The following ARHGAP20 variants were observed in gnomAD, a reference collection of about 807,000 sequenced individuals.
The protein encoded by ARHGAP20 is rho GTPase-activating protein 20.
ARHGAP20 carries 34 observed loss-of-function variants against 73.7 expected under a neutral mutation model. The ratio of observed to expected loss-of-function variants is 0.46; its 90% CI spans 0.35 to 0.61. ARHGAP20 has a LOEUF of 0.61. Among genes scored for constraint, ARHGAP20 ranks in the 20% least tolerant of loss-of-function variants. The pLI is 0.00. For missense variants in ARHGAP20, 1,314 were observed against 1,420.9 expected (o/e 0.92, Z 1.21); for synonymous variants, 523 against 518.2 (o/e 1.01, Z -0.13).
chr11:110,598,812 G>A (rs1466016182), intron 9 of ARHGAP20, among the ~76,000 whole-genome samples: 1 of 151,888 alleles, frequency 6.6e-6, no homozygotes, highest in Admixed American at 6.6e-5. Context: ...AGGTCCCTTG[G>A]GTGCCACTGC....
At chr11:110,676,951 T>C (rs1038127429) in intron 2 of ARHGAP20, among the ~76,000 whole-genome samples, 1 of 152,152 alleles carries the variant, frequency 6.6e-6, no homozygotes, top group Non-Finnish European at 1.5e-5. Context: ...CATGGGAACC[T>C]GACAAAGGAT....
intron 2 of ARHGAP20, among the ~76,000 whole-genome samples, chr11:110,658,152 A>G (rs1949514118): frequency 1.3e-5 from 2 of 152,218 alleles, no homozygotes; most frequent in African/African-American, 2.4e-5. Flanking sequence ...AGAAGTATTC[A>G]TGCCTACTCC....
At chr11:110,704,374 G>A (rs1314964404) in intron 1 of ARHGAP20, among the ~76,000 whole-genome samples, 1 of 152,142 alleles carries the variant, frequency 6.6e-6, no homozygotes, top group African/African-American at 2.4e-5. Flanking sequence ...CCACACACAA[G>A]TGACCAGACA....
chr11:110,611,228 TATG>T lies in ARHGAP20; in HGVS notation c.708+78_708+80del, dbSNP rs566798187. ...TGGTATCTCTAATAATCAGCTGTCT[TATG>T]ATGGAAGGAAAATACTTACATAAAT... On this transcript the variant is annotated intron_variant, in intron 7 of 14. Coordinates refer to ENST00000683387, the MANE Select transcript of ARHGAP20 (RefSeq NM_001384657.1). 6.3e-4 allele frequency: 576 copies of T among 913,808 alleles called. 4 individuals carry two copies. In the African/African-American group the frequency reaches 8.4e-3, roughly 13 times the overall value. 56.6% of individuals were successfully genotyped at this position (913,808 alleles called of 1,614,324 possible). A position where few individuals can be genotyped will look rare whatever the true frequency, so the allele number is the denominator to read the frequency against.
chr11:110,643,096 T>C (rs892771331), intron 2 of ARHGAP20, among the ~76,000 whole-genome samples: 1 of 152,054 alleles, frequency 6.6e-6, no homozygotes, highest in African/African-American at 2.4e-5. Flanking sequence ...TCAGGATCTT[T>C]TGGATTTCTG....
At chr11:110,665,190 T>C (rs1056453850) in intron 2 of ARHGAP20, among the ~76,000 whole-genome samples, 1 of 152,228 alleles carries the variant, frequency 6.6e-6, no homozygotes, top group Non-Finnish European at 1.5e-5. Context: ...TATCCAATTT[T>C]ATGAAATGCA....
chr11:110,596,511 A>G (rs946356016), intron 9 of ARHGAP20, among the ~76,000 whole-genome samples: 32 of 152,312 alleles, frequency 2.1e-4, no homozygotes, highest in African/African-American at 7.5e-4. Flanking sequence ...AAAAGAAGAC[A>G]TTTATGCAGC....
intron 1 of ARHGAP20, among the ~76,000 whole-genome samples, chr11:110,696,712 T>C (rs1179608975): frequency 6.6e-6 from 1 of 151,638 alleles, no homozygotes; most frequent in African/African-American, 2.4e-5. Context: ...TTTTCAACTC[T>C]TGCCACCTTA....
chr11:110,680,341 T>C (rs911553165), intron 2 of ARHGAP20, among the ~76,000 whole-genome samples: 8 of 152,240 alleles, frequency 5.3e-5, no homozygotes, highest in African/African-American at 9.6e-5. Context: ...TTCTCAATAA[T>C]AGTAATAATT....
Position 110,640,833 on chromosome 11 carries a change from C to T in ARHGAP20, c.189-10041G>A, listed in dbSNP as rs560976094. 1.1e-4 allele frequency among the ~76,000 whole-genome samples: 16 copies of T among 152,108 alleles called. No homozygotes were observed. In the East Asian group the frequency reaches 2.7e-3, roughly 26 times the overall value. On this transcript the variant is annotated intron_variant, in intron 2 of 14. Coordinates refer to ENST00000683387, the MANE Select transcript of ARHGAP20 (RefSeq NM_001384657.1). ...CGAGTTAATGGGTGCAGCGCACCAA[C>T]ATGGCACATGTATACATATGTAACA...
At position 110,688,013 on chromosome 11, in the gene ARHGAP20, T is replaced by C. The variant is rs147260457; in HGVS notation, c.188+2534A>G. On this transcript the variant is annotated intron_variant, in intron 2 of 14. Transcript: ENST00000683387. Reference sequence around the variant, plus strand: ...CATTTCTGAAAAATTTAGTATTCATTGAAATGTATAAAAATACTTTGTGCT... The same window carrying C: ...CATTTCTGAAAAATTTAGTATTCATCGAAATGTATAAAAATACTTTGTGCT... Among the ~76,000 whole-genome samples, 573 of 152,314 alleles carry C rather than the reference T, an allele frequency of 3.8e-3. 1 individual carries two copies. The highest frequency in any genetic ancestry group is 0.014 in the South Asian group (69 of 4,820).
Position 110,704,734 on chromosome 11 carries a change from T to C in ARHGAP20, c.105+7393A>G, listed in dbSNP as rs536705080. On this transcript the variant is annotated intron_variant, in intron 1 of 14. Transcript: ENST00000683387. ...TTCAGAAAACTGTTGTAGTTGCCAC[T>C]ACCAAATTGAGCATTCTCTCTGCAG... Among the ~76,000 whole-genome samples, 5 of 152,250 alleles carry C rather than the reference T, an allele frequency of 3.3e-5. No homozygotes were observed. The South Asian group carries it at 1.0e-3, about 32-fold the overall frequency.
In ARHGAP20 at chr11:110,579,029, G is replaced by T. The variant is rs1019619983; in HGVS notation, c.*341C>A. ...CCTATTCCTCATTCCTGATATCTTG[G>T]TCTTCTCAGGACATCAATCTCACAG... On this transcript the variant is annotated 3_prime_UTR_variant, in exon 15 of 15. Transcript: ENST00000683387. 2 of 1,001,392 alleles carry T rather than the reference G, an allele frequency of 2.0e-6. No individual in the cohort carries two copies. The highest frequency in any genetic ancestry group is 5.3e-5 in the Admixed American group (1 of 18,798). The allele number at this position is 1,001,392 out of a possible 1,614,324, so 62.0% of individuals were successfully genotyped here.
chr11:110,612,544 TA>T (rs1002645260), intron 6 of ARHGAP20, among the ~76,000 whole-genome samples: 5 of 151,984 alleles, frequency 3.3e-5, no homozygotes, highest in African/African-American at 9.6e-5. Context: ...TGCTACATTG[TA>T]AAAAAAACTT....
intron 2 of ARHGAP20, among the ~76,000 whole-genome samples, chr11:110,644,248 C>T (rs1949137359): frequency 6.6e-6 from 1 of 152,068 alleles, no homozygotes; most frequent in Non-Finnish European, 1.5e-5. Flanking sequence ...TCTGCAGATT[C>T]AATGCAATTC....
intron 9 of ARHGAP20, among the ~76,000 whole-genome samples, chr11:110,592,745 A>C (rs138757502): frequency 6.6e-6 from 1 of 152,346 alleles, no homozygotes; most frequent in Non-Finnish European, 1.5e-5. Flanking sequence ...TTAGAAATAA[A>C]GAATCCTTTA....
At position 110,582,418 on chromosome 11, in the gene ARHGAP20, T is replaced by C. The variant is rs1947498122; in HGVS notation, c.1623A>G (p.Gln541=). 1.9e-6 allele frequency: 3 copies of C among 1,611,754 alleles called. No homozygotes were observed. Among genetic ancestry groups the C allele is most frequent in the African/African-American group, 1.3e-5 (1 of 74,892 alleles). ...EFTKKVSLLI[Q]FLIENCLRIF... is the part of the protein sequence containing the mutation. ...TCCTAAGGCAATTCTCAATCAGAAA[T>C]TGTATAAGCAGGGAAACCTGTAAGA... Residue 541 remains glutamine, a synonymous_variant, in exon 14 of 15, where the codon CAA becomes CAG. Coordinates refer to ENST00000683387, the MANE Select transcript of ARHGAP20 (RefSeq NM_001384657.1).
Position 110,590,765 on chromosome 11 carries a change from A to T in ARHGAP20, c.1188T>A (p.Gly396=), listed in dbSNP as rs776914911. The change falls in exon 11 of 15, where the codon GGT becomes GGA. Residue 396 remains glycine (G), a synonymous_variant. Transcript: ENST00000683387. ...TCACATTGGCTGATTGCCTGAAGAT[A>T]CCTTTGGTGAGAGGTCCTTTTTGAT... ...FLNQKGPLTK[G]IFRQSANVKS... is the part of the protein sequence containing the mutation. The T allele has an allele frequency of 1.9e-6, 3 of 1,613,938 alleles. No individual in the cohort carries two copies. The highest frequency in any genetic ancestry group is 2.5e-6 in the Non-Finnish European group (3 of 1,179,954).
chr11:110,581,766 AAC>A (rs1213954835), intron 14 of ARHGAP20, among the ~76,000 whole-genome samples: 2 of 152,216 alleles, frequency 1.3e-5, no homozygotes, highest in Non-Finnish European at 2.9e-5. Context: ...GGCCAAAGAT[AAC>A]ATATCTAGTA....
Sources: allele counts gnomAD v4.1 joint callset (sites outside exome capture counted in the v4.1 genomes callset), GRCh38; gene constraint gnomAD v4.1.1; transcripts MANE v1.5; gene names NCBI Gene and HGNC (gene_info 2026-07-23, HGNC 2026-07-21).